The following VWA3A variants were observed in gnomAD, a reference collection of about 807,000 sequenced individuals.
VWA3A encodes the protein von Willebrand factor A domain containing 3A.
Under a neutral mutation model 160.4 loss-of-function variants are expected in VWA3A, and 134 were observed. The observed-to-expected ratio is 0.84, with a 90% CI of 0.73 to 0.96. The LOEUF (loss-of-function observed/expected upper bound fraction) is 0.96, where lower values mean the gene tolerates loss of function less well. Among genes scored for constraint, VWA3A ranks in the 40% least tolerant of loss-of-function variants. VWA3A has a pLI of 0.00. For missense variants in VWA3A, 1,310 were observed against 1,447.9 expected, an observed-to-expected ratio of 0.90 and a Z score of 1.55; for synonymous variants, 476 against 543.4, an observed-to-expected ratio of 0.88 and a Z score of 1.72.
At chr16:22,136,895 GCACA>G (rs113954328) in intron 21 of VWA3A, among the ~76,000 whole-genome samples, 3,533 of 142,628 alleles carry the variant, frequency 0.025, 76 homozygotes, top group South Asian at 0.11. Context: ...ACACACACAC[GCACA>G]CACACACACA....
chr16:22,123,849 A>G, intron 16 of VWA3A, 142 bp downstream of exon 16: 1 of 724,724 alleles, frequency 1.4e-6, no homozygotes, highest in African/African-American at 1.8e-5. Context: ...GAACCCCCAG[A>G]GGAGGAAAAA....
intron 11 of VWA3A, among the ~76,000 whole-genome samples, 185 bp from the exon 12 acceptor site, chr16:22,118,717 A>G (rs191354027): frequency 1.1e-3 from 169 of 152,280 alleles, no homozygotes; most frequent in African/African-American, 3.9e-3. Context: ...CAACAGGCCA[A>G]TTGCACAAAC....
At position 22,115,721 on chromosome 16, in the gene VWA3A, C is replaced by T. The variant is rs2045619555; in HGVS notation, c.815+249C>T. Among the ~76,000 whole-genome samples, 3 of 151,128 alleles carry T rather than the reference C, an allele frequency of 2.0e-5. No homozygotes were observed. In the South Asian group the frequency reaches 6.3e-4, roughly 32 times the overall value. On this transcript the variant is annotated intron_variant, in intron 9 of 33. Transcript: ENST00000389398. Reference sequence around the variant, plus strand: ...TCATGGTTGTGTGCACCTGTAGTCCCAGCTACTTGGGAGGCTGAGGCAGGA... The same window carrying T: ...TCATGGTTGTGTGCACCTGTAGTCCTAGCTACTTGGGAGGCTGAGGCAGGA...
chr16:22,122,708 G>C, intron 14 of VWA3A, among the ~76,000 whole-genome samples: 1 of 152,188 alleles, frequency 6.6e-6, no homozygotes, highest in Middle Eastern at 3.2e-3. Flanking sequence ...AACCTAAGAA[G>C]CTATGGCCAG....
intron 22 of VWA3A, among the ~76,000 whole-genome samples, chr16:22,139,322 G>A (rs1299247026): frequency 1.3e-5 from 2 of 152,156 alleles, no homozygotes; most frequent in Non-Finnish European, 2.9e-5. Flanking sequence ...AAACCAGGCC[G>A]GGTGCTCCCC....
chr16:22,132,076 T>G (rs1395953496), intron 19 of VWA3A, among the ~76,000 whole-genome samples: 2 of 151,880 alleles, frequency 1.3e-5, no homozygotes, highest in Non-Finnish European at 2.9e-5. Context: ...TCTACAAAAA[T>G]AAAATTTAAA....
intron 14 of VWA3A, among the ~76,000 whole-genome samples, chr16:22,122,850 G>C (rs1031889973): frequency 6.6e-6 from 1 of 152,078 alleles, no homozygotes. Flanking sequence ...GTCCATTCAG[G>C]GGATCACTCT....
chr16:22,136,885 A>G (rs1009858082), intron 21 of VWA3A, among the ~76,000 whole-genome samples: 2 of 120,332 alleles, frequency 1.7e-5, no homozygotes, highest in African/African-American at 8.1e-5. Flanking sequence ...ACACACACAC[A>G]CACACACACG....
At chr16:22,114,862 G>A (rs1474830543) in intron 8 of VWA3A, among the ~76,000 whole-genome samples, 1 of 151,234 alleles carries the variant, frequency 6.6e-6, no homozygotes, top group African/African-American at 2.4e-5. Context: ...TGCAGTGGCA[G>A]TGGCACAATC....
intron 25 of VWA3A, among the ~76,000 whole-genome samples, chr16:22,144,036 G>T (rs144366227): frequency 6.6e-6 from 1 of 151,996 alleles, no homozygotes; most frequent in African/African-American, 2.4e-5. Flanking sequence ...ATGAGCCACC[G>T]CGTCCAGCCT....
intron 11 of VWA3A, among the ~76,000 whole-genome samples, chr16:22,118,657 G>A (rs1002273843): frequency 1.3e-5 from 2 of 152,226 alleles, no homozygotes; most frequent in Admixed American, 6.5e-5. Context: ...CTGCACTCCA[G>A]CCTGGGTGAC....
chr16:22,102,120 G>A (rs750433818), intron 5 of VWA3A, among the ~76,000 whole-genome samples: 1 of 152,170 alleles, frequency 6.6e-6, no homozygotes, highest in Non-Finnish European at 1.5e-5. Flanking sequence ...GGAGGTCAAG[G>A]CAGGAGGATC....
intron 23 of VWA3A, chr16:22,141,322 G>A: frequency 3.2e-6 from 2 of 620,856 alleles, no homozygotes; most frequent in Non-Finnish European, 6.0e-6. Flanking sequence ...CTGTGAGGAT[G>A]AAGCAAGGCA....
intron 16 of VWA3A, 132 bp from the exon 17 acceptor site, chr16:22,126,045 GA>G: frequency 7.8e-7 from 1 of 1,289,800 alleles, no homozygotes; most frequent in Non-Finnish European, 1.1e-6. Flanking sequence ...TCAAACCACA[GA>G]GAAGATTTTG....
At chr16:22,129,991 C>A (rs1023076530) in intron 17 of VWA3A, among the ~76,000 whole-genome samples, 1 of 152,102 alleles carries the variant, frequency 6.6e-6, no homozygotes, top group Non-Finnish European at 1.5e-5. Flanking sequence ...AGTTTGAGAC[C>A]AGCCTGGCCG....
intron 17 of VWA3A, among the ~76,000 whole-genome samples, chr16:22,128,552 C>A (rs763062288): frequency 2.0e-4 from 31 of 152,194 alleles, no homozygotes; most frequent in Non-Finnish European, 3.4e-4. Flanking sequence ...AACAGAACTA[C>A]CATTCAAAGT....
chr16:22,094,269 A>T (rs977473046), intron 1 of VWA3A, among the ~76,000 whole-genome samples: 2 of 151,622 alleles, frequency 1.3e-5, no homozygotes, highest in African/African-American at 4.9e-5. Flanking sequence ...TTCTATTTCA[A>T]CAGTCTCTGC....
At chr16:22,129,914 G>A (rs546990451) in intron 17 of VWA3A, among the ~76,000 whole-genome samples, 10 of 152,192 alleles carry the variant, frequency 6.6e-5, no homozygotes, top group South Asian at 2.1e-4. Flanking sequence ...AAGGTCGGGC[G>A]CGGTGGCTCA....
At position 22,116,695 on chromosome 16, in the gene VWA3A, G is replaced by T; in HGVS notation, c.816-64G>T. 6 of 1,297,864 alleles carry T rather than the reference G, an allele frequency of 4.6e-6. No homozygotes were observed. The South Asian group carries it at 4.8e-5, about 10-fold the overall frequency. 80.4% of individuals were successfully genotyped at this position (1,297,864 alleles called of 1,614,324 possible). A position where few individuals can be genotyped will look rare whatever the true frequency, so the allele number is the denominator to read the frequency against. Reference sequence around the variant, plus strand: ...GATGTTCCTTGGGAATTACCGTTTTGCTCTGGAATGTTCTCAAAGTGGTCT... The same window carrying T: ...GATGTTCCTTGGGAATTACCGTTTTTCTCTGGAATGTTCTCAAAGTGGTCT... On this transcript the variant is annotated intron_variant, in intron 9 of 33. Transcript: ENST00000389398.
Sources: gnomAD v4.1 joint callset for allele counts (sites outside exome capture counted in the v4.1 genomes callset) on GRCh38, gnomAD v4.1.1 for gene constraint, MANE v1.5 for transcripts, NCBI Gene and HGNC (gene_info 2026-07-23, HGNC 2026-07-21) for gene names.